ZC3H8: variants seen among roughly 807,000 people sequenced by gnomAD.
ZC3H8 encodes zinc finger CCCH domain-containing protein 8.
In ZC3H8, 27 loss-of-function variants were observed where a neutral mutation model predicts 42.5. The ratio of observed to expected loss-of-function variants is 0.64; its 90% CI spans 0.47 to 0.88. The LOEUF is 0.88. ZC3H8 is among the 40% of genes least tolerant of loss of function. The pLI is 0.00. For synonymous variants in ZC3H8, 101 were observed against 110.1 expected (o/e 0.92, Z 0.52); for missense variants, 277 against 336.1 (o/e 0.82, Z 1.37).
intron 2 of ZC3H8, 44 bp from the exon 3 acceptor site, chr2:112,238,572 T>C: frequency 6.7e-7 from 1 of 1,499,112 alleles, no homozygotes; most frequent in Non-Finnish European, 9.0e-7. Context: ...CTAGCATGAT[T>C]CAAAACAATC....
Position 112,255,024 on chromosome 2 carries a change from A to C in ZC3H8, c.-43T>G. On this transcript the variant is annotated 5_prime_UTR_variant, in exon 1 of 9. Coordinates refer to ENST00000409573, the MANE Select transcript of ZC3H8 (RefSeq NM_032494.3). ...CCTTTCGCGAGCCGGGAAGCTACAG[A>C]GTAACAACCCGAGAGAGTGACAACC... The C allele has an allele frequency of 6.4e-7, 1 of 1,564,006 alleles. No individual in the cohort carries two copies. Among genetic ancestry groups the C allele is most frequent in the Non-Finnish European group, 8.7e-7 (1 of 1,155,210 alleles).
chr2:112,228,015 C>G (rs536448399), intron 8 of ZC3H8, among the ~76,000 whole-genome samples: 1 of 152,224 alleles, frequency 6.6e-6, no homozygotes, highest in Non-Finnish European at 1.5e-5. Context: ...CAAAGCTAGA[C>G]AGCTTACGCT....
Position 112,212,296 on chromosome 2 carries a change from C to G in ZC3H8, c.*4188G>C, listed in dbSNP as rs1234206409. The G allele has an allele frequency of 6.6e-6, 1 of 152,206 alleles. No individual in the cohort carries two copies. Among genetic ancestry groups the G allele is most frequent in the East Asian group, 1.9e-4 (1 of 5,196 alleles). The allele number at this position is 152,206 out of a possible 1,614,324, so 9.4% of individuals were successfully genotyped here. On this transcript the variant is annotated 3_prime_UTR_variant, in exon 9 of 9. Transcript: ENST00000409573. The stretch of plus-strand genomic sequence containing the variant: ...AAGGCCCTACCTCCTAACAGTTAGT[C>G]CTAGGAGTCAGGATTTCAACACATG...
chr2:112,254,753 G>A, intron 1 of ZC3H8, 155 bp downstream of exon 1: 1 of 835,692 alleles, frequency 1.2e-6, no homozygotes, highest in Admixed American at 2.7e-5. Context: ...GACCTCTATA[G>A]GTCAGACGGT....
At chr2:112,219,110 T>C (rs1444023203) in intron 8 of ZC3H8, among the ~76,000 whole-genome samples, 1 of 152,222 alleles carries the variant, frequency 6.6e-6, no homozygotes, top group African/African-American at 2.4e-5. Context: ...GTCTTAAAAT[T>C]CATATGGGAT....
chr2:112,234,962 T>C (rs1016704544), intron 4 of ZC3H8, among the ~76,000 whole-genome samples: 2 of 151,664 alleles, frequency 1.3e-5, no homozygotes, highest in African/African-American at 4.8e-5. Flanking sequence ...TGGGTGTGAG[T>C]TGAGCACACT....
At chr2:112,240,691 C>T (rs943232178) in intron 2 of ZC3H8, among the ~76,000 whole-genome samples, 2 of 152,124 alleles carry the variant, frequency 1.3e-5, no homozygotes, top group South Asian at 2.1e-4. Context: ...TTTTATTATA[C>T]AGTAGGGATA....
chr2:112,253,242 AATATG>A (rs765624094), intron 1 of ZC3H8, among the ~76,000 whole-genome samples: 3 of 152,184 alleles, frequency 2.0e-5, no homozygotes, highest in Non-Finnish European at 2.9e-5. Context: ...TACCACCTAA[AATATG>A]ATATATTTAT....
At position 112,211,855 on chromosome 2, in the gene ZC3H8, A is replaced by C. The variant is rs1382614363; in HGVS notation, c.*4629T>G. 6.6e-6 allele frequency: 1 copy of C among 152,224 alleles called. No individual in the cohort carries two copies. The highest frequency in any genetic ancestry group is 1.5e-5 in the Non-Finnish European group (1 of 68,040). 9.4% of individuals were successfully genotyped at this position (152,224 alleles called of 1,614,324 possible). A position where few individuals can be genotyped will look rare whatever the true frequency, so the allele number is the denominator to read the frequency against. On this transcript the variant is annotated 3_prime_UTR_variant, in exon 9 of 9. Transcript: ENST00000409573. ...TTCACAGGAATCAACAGCACTTTTA[A>C]GATGAGTTGGGCATCTTGTCCCTCC...
intron 2 of ZC3H8, among the ~76,000 whole-genome samples, chr2:112,248,050 G>T (rs1685816290): frequency 6.6e-6 from 1 of 152,160 alleles, no homozygotes; most frequent in Non-Finnish European, 1.5e-5. Context: ...AGGAGGCTGG[G>T]CATGGTGGCT....
At chr2:112,232,257 A>G (rs1685126914) in intron 6 of ZC3H8, among the ~76,000 whole-genome samples, 1 of 150,154 alleles carries the variant, frequency 6.7e-6, no homozygotes, top group Non-Finnish European at 1.5e-5. Context: ...CGGAGGTTGC[A>G]GCGAACCAAG....
rs759954027 is a variant in ZC3H8 at position 112,233,363 on chromosome 2, C to T, written c.630G>A (p.Gln210=). Residue 210 remains glutamine (Q), a synonymous_variant, in exon 6 of 9, where the codon CAG becomes CAA. Transcript: ENST00000409573. ...FLERKCIKGD[Q]CKFDHDAEIE... ...TCTCTGCATCATGATCAAATTTACA[C>T]TGGTCTCCCTAGGCCAAAAGAAGGA... 5 of 1,585,984 alleles carry T rather than the reference C, an allele frequency of 3.2e-6. No homozygotes were observed. The highest frequency in any genetic ancestry group is 2.3e-5 in the South Asian group (2 of 87,060).
rs1166711844 is a variant in ZC3H8, at chr2:112,213,775, C to CAAAAAAAA, written c.*2701_*2708dup. On this transcript the variant is annotated 3_prime_UTR_variant, in exon 9 of 9. Transcript: ENST00000409573. ...TGGGCGACAGAGCGAGACTCCGTCT[C>CAAAAAAAA]AAAAAAAAAAAAAAAAAAAAAAAAA... 4.2e-5 allele frequency: 1 copy of CAAAAAAAA among 24,076 alleles called. No homozygotes were observed. Among genetic ancestry groups the CAAAAAAAA allele is most frequent in the African/African-American group, 2.0e-4 (1 of 5,028 alleles). 1.5% of individuals were successfully genotyped at this position (24,076 alleles called of 1,614,324 possible). A position where few individuals can be genotyped will look rare whatever the true frequency, so the allele number is the denominator to read the frequency against.
chr2:112,248,322 A>AAG (rs1216104999), intron 2 of ZC3H8, among the ~76,000 whole-genome samples: 2 of 151,818 alleles, frequency 1.3e-5, no homozygotes, highest in Non-Finnish European at 2.9e-5. Flanking sequence ...ACAGAAAGAA[A>AAG]AGAAAGAAAG....
chr2:112,239,088 T>G (rs926718415), intron 2 of ZC3H8, among the ~76,000 whole-genome samples: 5 of 152,230 alleles, frequency 3.3e-5, no homozygotes, highest in Non-Finnish European at 7.3e-5. Flanking sequence ...AGAACTACCC[T>G]ATTCTCTGTA....
intron 8 of ZC3H8, among the ~76,000 whole-genome samples, chr2:112,222,041 T>C (rs1424068874): frequency 6.6e-6 from 1 of 152,138 alleles, no homozygotes; most frequent in African/African-American, 2.4e-5. Context: ...GATTTTTTGC[T>C]TTTTTCTTCT....
intron 8 of ZC3H8, among the ~76,000 whole-genome samples, chr2:112,226,086 A>C (rs1684813352): frequency 6.6e-6 from 1 of 152,086 alleles, no homozygotes; most frequent in Admixed American, 6.5e-5. Flanking sequence ...CATCTCAAAA[A>C]AAAAAGAAAA....
At chr2:112,222,090 T>TCACCTTATA (rs1375896469) in intron 8 of ZC3H8, among the ~76,000 whole-genome samples, 3 of 152,150 alleles carry the variant, frequency 2.0e-5, no homozygotes, top group Admixed American at 1.3e-4. Flanking sequence ...TAAGGTGGGA[T>TCACCTTATA]CAGTTGACTG....
chr2:112,251,076 T>C (rs1169995377), intron 1 of ZC3H8, among the ~76,000 whole-genome samples: 2 of 152,224 alleles, frequency 1.3e-5, no homozygotes, highest in Non-Finnish European at 2.9e-5. Flanking sequence ...TAATGGTTGA[T>C]ACTAGAAATA....
Sources: gnomAD v4.1 joint callset for allele counts (sites outside exome capture counted in the v4.1 genomes callset) on GRCh38, gnomAD v4.1.1 for gene constraint, MANE v1.5 for transcripts, NCBI Gene and HGNC (gene_info 2026-07-23, HGNC 2026-07-21) for gene names.